SPAG16: variants seen among roughly 807,000 people sequenced by gnomAD.
SPAG16 encodes sperm associated antigen 16.
SPAG16 carries 86 observed loss-of-function variants against 80.4 expected under a neutral mutation model. That is an observed-to-expected ratio of 1.07 (90% CI 0.90 to 1.28). The LOEUF (loss-of-function observed/expected upper bound fraction) is 1.28. Ranked by LOEUF, SPAG16 falls within the 50% of genes most tolerant of loss-of-function variation. The probability of loss-of-function intolerance (pLI) is 0.00; values close to 1 mark genes in which losing one functional copy is unlikely to be tolerated. For missense variants in SPAG16, 870 were observed against 765.3 expected, an observed-to-expected ratio of 1.14 and a Z score of -1.61; for synonymous variants, 294 against 265.9, an observed-to-expected ratio of 1.11 and a Z score of -1.03.
At chr2:213,351,268 G>A (rs150597751) in intron 7 of SPAG16, among the ~76,000 whole-genome samples, 62 of 152,304 alleles carry the variant, frequency 4.1e-4, no homozygotes, top group South Asian at 2.9e-3. Context: ...AGCTTTGACA[G>A]CTATAAACAT....
intron 10 of SPAG16, among the ~76,000 whole-genome samples, chr2:213,660,159 G>C (rs2063364552): frequency 6.6e-6 from 1 of 152,116 alleles, no homozygotes; most frequent in Admixed American, 6.5e-5. Context: ...AAAGGAAGTT[G>C]TGCAAGCAAT....
intron 10 of SPAG16, among the ~76,000 whole-genome samples, chr2:213,647,515 T>C (rs1158931583): frequency 6.6e-6 from 1 of 152,160 alleles, no homozygotes; most frequent in South Asian, 2.1e-4. Flanking sequence ...GGATGGTGTG[T>C]TTCCTCTGCT....
intron 10 of SPAG16, among the ~76,000 whole-genome samples, chr2:213,593,746 C>CTTTT (rs541949006): frequency 4.0e-5 from 2 of 50,136 alleles, no homozygotes; most frequent in East Asian, 6.9e-4. Context: ...CCCACCACAT[C>CTTTT]TTTTTTTTTT....
At chr2:213,750,234 C>T (rs2068019358) in intron 10 of SPAG16, among the ~76,000 whole-genome samples, 1 of 152,128 alleles carries the variant, frequency 6.6e-6, no homozygotes, top group East Asian at 1.9e-4. Context: ...GTTATGCAAG[C>T]ACATATTTGC....
chr2:213,947,500 A>T (rs767552581), intron 12 of SPAG16, among the ~76,000 whole-genome samples: 4 of 152,076 alleles, frequency 2.6e-5, no homozygotes, highest in Non-Finnish European at 4.4e-5. Flanking sequence ...TTGGTGAAGT[A>T]ACTTTAATTT....
chr2:214,177,955 A>C (rs1559108107), intron 15 of SPAG16, among the ~76,000 whole-genome samples: 1 of 103,474 alleles, frequency 9.7e-6, no homozygotes, highest in Non-Finnish European at 1.9e-5. Flanking sequence ...GTTATATCTA[A>C]CTTCACAAAG....
chr2:213,869,646 G>GC (rs1188307801), intron 11 of SPAG16, among the ~76,000 whole-genome samples: 1 of 92,046 alleles, frequency 1.1e-5, no homozygotes, highest in Non-Finnish European at 2.7e-5. Context: ...GCTTTGAGTA[G>GC]TTTTTTTTTT....
chr2:214,262,409 A>G (rs1468181474), intron 15 of SPAG16, among the ~76,000 whole-genome samples: 5 of 152,012 alleles, frequency 3.3e-5, no homozygotes, highest in African/African-American at 4.8e-5. Flanking sequence ...GTAAAAAAAG[A>G]TTTCATGTAC....
intron 13 of SPAG16, among the ~76,000 whole-genome samples, chr2:214,082,285 G>C (rs150958457): frequency 2.6e-5 from 4 of 152,094 alleles, no homozygotes; most frequent in African/African-American, 4.8e-5. Context: ...ACTCAACTCT[G>C]TTTTTCCATA....
intron 13 of SPAG16, among the ~76,000 whole-genome samples, chr2:214,065,357 C>T (rs146568998): frequency 3.9e-5 from 6 of 152,116 alleles, no homozygotes; most frequent in South Asian, 2.1e-4. Context: ...TATATGGTAT[C>T]GCATCACAAT....
intron 10 of SPAG16, among the ~76,000 whole-genome samples, chr2:213,584,623 G>A (rs1411109865): frequency 6.6e-6 from 1 of 150,940 alleles, no homozygotes; most frequent in African/African-American, 2.4e-5. Flanking sequence ...AGGAAGGAGG[G>A]AAGGAAGGAA....
chr2:213,808,487 G>C (rs1006847098), intron 10 of SPAG16, among the ~76,000 whole-genome samples: 8 of 152,238 alleles, frequency 5.3e-5, no homozygotes, highest in Middle Eastern at 3.4e-3. Context: ...ATCAAAACCA[G>C]TAAAGATTTT....
At chr2:214,323,774 A>G (rs553775242) in intron 15 of SPAG16, among the ~76,000 whole-genome samples, 1 of 152,354 alleles carries the variant, frequency 6.6e-6, no homozygotes, top group East Asian at 1.9e-4. Flanking sequence ...CTTAACATTT[A>G]AAATCCCATC....
intron 9 of SPAG16, among the ~76,000 whole-genome samples, chr2:213,375,879 AT>A (rs1166032757): frequency 1.3e-5 from 2 of 151,158 alleles, no homozygotes; most frequent in Non-Finnish European, 3.0e-5. Context: ...AATGCCAATA[AT>A]TTTTTTTCTC....
chr2:213,959,330 T>C (rs942496412), intron 12 of SPAG16, among the ~76,000 whole-genome samples: 5 of 152,190 alleles, frequency 3.3e-5, no homozygotes, highest in African/African-American at 9.7e-5. Context: ...TGTAATATAG[T>C]CACCACTTAA....
At chr2:213,361,582 A>G (rs920138578) in intron 7 of SPAG16, among the ~76,000 whole-genome samples, 4 of 151,746 alleles carry the variant, frequency 2.6e-5, no homozygotes, top group African/African-American at 9.7e-5. Flanking sequence ...AGAGCTGGGC[A>G]GATAAAATAC....
intron 12 of SPAG16, among the ~76,000 whole-genome samples, chr2:213,997,931 A>G (rs1233707461): frequency 6.6e-6 from 1 of 152,210 alleles, no homozygotes; most frequent in Non-Finnish European, 1.5e-5. Context: ...AGGTATACAC[A>G]TTTAATACTC....
intron 11 of SPAG16, among the ~76,000 whole-genome samples, chr2:213,884,479 A>G (rs1452395390): frequency 6.6e-6 from 1 of 151,852 alleles, no homozygotes; most frequent in Non-Finnish European, 1.5e-5. Context: ...TATCTTAGTG[A>G]TGGTTGTCTT....
chr2:214,042,003 TATATAC>T (rs374996648), intron 13 of SPAG16, among the ~76,000 whole-genome samples: 3,347 of 126,052 alleles, frequency 0.027, 127 homozygotes, highest in East Asian at 0.18. Flanking sequence ...TATATATATA[TATATAC>T]ACACACACAC....
Sources: gnomAD v4.1 joint callset for allele counts (sites outside exome capture counted in the v4.1 genomes callset) on GRCh38, gnomAD v4.1.1 for gene constraint, MANE v1.5 for transcripts, NCBI Gene and HGNC (gene_info 2026-07-23, HGNC 2026-07-21) for gene names.